CDH23: variants seen among roughly 807,000 people sequenced by gnomAD.
CDH23 encodes cadherin related 23.
Under a neutral mutation model 317.1 loss-of-function variants are expected in CDH23, and 189 were observed. The observed-to-expected ratio is 0.60, with a 90% CI of 0.53 to 0.67. The LOEUF (loss-of-function observed/expected upper bound fraction) is 0.67, where lower values mean the gene tolerates loss of function less well. CDH23 is among the 30% of genes least tolerant of loss of function. The pLI, the probability that CDH23 is intolerant of heterozygous loss-of-function variation, is 0.00. For missense variants in CDH23, 4,401 were observed against 4,592.4 expected (o/e 0.96, Z 1.20); for synonymous variants, 1,839 against 1,876.8 (o/e 0.98, Z 0.52).
chr10:71,439,500 G>A (rs1319612589), intron 1 of CDH23, among the ~76,000 whole-genome samples: 2 of 152,110 alleles, frequency 1.3e-5, no homozygotes, highest in African/African-American at 4.8e-5. Context: ...TCCATCTACT[G>A]GGCCTAGAAT....
intron 27 of CDH23, among the ~76,000 whole-genome samples, chr10:71,711,144 C>T (rs1286022252): frequency 1.3e-5 from 2 of 152,146 alleles, no homozygotes; most frequent in Non-Finnish European, 2.9e-5. Context: ...AATGGCTGCC[C>T]ACCCTCTGGA....
At chr10:71,740,482 C>G (rs1166016679) in intron 36 of CDH23, among the ~76,000 whole-genome samples, 1 of 152,218 alleles carries the variant, frequency 6.6e-6, no homozygotes, top group East Asian at 1.9e-4. Context: ...GTTGCAGGCC[C>G]AGGGTCATGG....
At chr10:71,791,580 T>TA (rs1491340038) in intron 47 of CDH23, among the ~76,000 whole-genome samples, 1 of 140,544 alleles carries the variant, frequency 7.1e-6, no homozygotes, top group Admixed American at 7.0e-5. Flanking sequence ...TTTTCTTTTC[T>TA]TTTTTTTTTT....
Position 71,809,980 on chromosome 10 carries a change from T to G in CDH23, c.8883T>G (p.Ile2961Met). ...ACGACCAGCGCGTCAAGATCGTCAT[T>G]AACGAGATCCCCGACCGTGTGCGCG... ...LRDDQRVKIV[I>M]NEIPDRVRGF... Residue 2961 changes from isoleucine (I) to methionine (M), a missense_variant, in exon 61 of 70, where the codon ATT becomes ATG. Transcript: ENST00000224721. 1.2e-6 allele frequency: 2 copies of G among 1,612,180 alleles called. No homozygotes were observed. Among genetic ancestry groups the G allele is most frequent in the Non-Finnish European group, 1.7e-6 (2 of 1,179,860 alleles).
At chr10:71,438,347 C>CAAAAAAAAAAAAAAAAAAAAAAGAAAAA (rs10596696) in intron 1 of CDH23, among the ~76,000 whole-genome samples, 1 of 98,362 alleles carries the variant, frequency 1.0e-5, no homozygotes. Flanking sequence ...CTGTCTCAAA[C>CAAAAAAAAAAAAAAAAAAAAAAGAAAAA]AAAAAAAAAA....
chr10:71,523,032 C>A (rs933964517), intron 6 of CDH23, among the ~76,000 whole-genome samples: 1 of 152,104 alleles, frequency 6.6e-6, no homozygotes, highest in Non-Finnish European at 1.5e-5. Context: ...TGCATTTAAC[C>A]CTTGGAATAG....
chr10:71,590,322 G>T (rs888714331), intron 9 of CDH23, among the ~76,000 whole-genome samples: 3 of 152,178 alleles, frequency 2.0e-5, no homozygotes, highest in Non-Finnish European at 4.4e-5. Flanking sequence ...GATTCTGTTG[G>T]GCTGTGCCCC....
At chr10:71,625,740 C>T (rs1299742892) in intron 11 of CDH23, among the ~76,000 whole-genome samples, 1 of 152,226 alleles carries the variant, frequency 6.6e-6, no homozygotes, top group East Asian at 1.9e-4. Flanking sequence ...CTCCTGCGGG[C>T]CTCTTCGGCT....
At chr10:71,398,260 A>G (rs965281098) in intron 1 of CDH23, among the ~76,000 whole-genome samples, 20 of 152,200 alleles carry the variant, frequency 1.3e-4, no homozygotes, top group Non-Finnish European at 8.8e-5. Flanking sequence ...TTTCCTCGGT[A>G]GTAATACTCC....
Position 71,740,809 on chromosome 10 carries a change from C to T in CDH23, c.4489-13C>T, listed in dbSNP as rs1839713155. 1 of 1,613,696 alleles carries T rather than the reference C, an allele frequency of 6.2e-7. No homozygotes were observed. The highest frequency in any genetic ancestry group is 8.5e-7 in the Non-Finnish European group (1 of 1,179,826). ...CGCTTTAGCCCTGACTCCAGTTGCC[C>T]TCCTCCTTGCAGGTTGTGGCTTCTG... is the stretch of plus-strand genomic sequence containing the variant. On this transcript the variant is annotated splice_polypyrimidine_tract_variant and intron_variant, in intron 36 of 69. Coordinates refer to ENST00000224721, the MANE Select transcript of CDH23 (RefSeq NM_022124.6).
chr10:71,793,142 G>A (rs1369580154), intron 47 of CDH23, 40 bp from the exon 48 acceptor site: 9 of 1,473,690 alleles, frequency 6.1e-6, no homozygotes, highest in East Asian at 2.4e-5. Context: ...TTCTGGAAGA[G>A]GCCACTGTGC....
At chr10:71,413,777 T>C (rs1358977247) in intron 1 of CDH23, among the ~76,000 whole-genome samples, 5 of 152,150 alleles carry the variant, frequency 3.3e-5, no homozygotes, top group Non-Finnish European at 7.3e-5. Flanking sequence ...AAGTTGATCC[T>C]CTTGCTTCAG....
At chr10:71,466,284 G>A (rs961530110) in intron 3 of CDH23, among the ~76,000 whole-genome samples, 1 of 152,166 alleles carries the variant, frequency 6.6e-6, no homozygotes, top group African/African-American at 2.4e-5. Context: ...ATATGTGAAC[G>A]TGTATACCTG....
At chr10:71,695,654 G>C in intron 22 of CDH23, 129 bp downstream of exon 22, 1 of 660,670 alleles carries the variant, frequency 1.5e-6, no homozygotes, top group Non-Finnish European at 2.7e-6. Context: ...GCTGGCTCTT[G>C]CAATAGAGTT....
Position 71,590,541 on chromosome 10 carries a change from A to G in CDH23, c.832+12549A>G, listed in dbSNP as rs1160597959. On this transcript the variant is annotated intron_variant, in intron 9 of 69. Transcript: ENST00000224721. ...AGGCAGATGCTGAAGGGCACTTCAC[A>G]ACGACGTCCGGCAGACCAAGGATTA... 2.6e-5 allele frequency among the ~76,000 whole-genome samples: 4 copies of G among 152,238 alleles called. No individual in the cohort carries two copies. In the East Asian group the frequency reaches 7.7e-4, roughly 29 times the overall value.
intron 38 of CDH23, among the ~76,000 whole-genome samples, chr10:71,756,693 C>T (rs1840158045): frequency 6.6e-6 from 1 of 152,188 alleles, no homozygotes; most frequent in African/African-American, 2.4e-5. Flanking sequence ...CTCAGAACCA[C>T]AACCAACATA....
chr10:71,638,397 C>G (rs944927046), intron 11 of CDH23, among the ~76,000 whole-genome samples: 2 of 152,218 alleles, frequency 1.3e-5, no homozygotes, highest in African/African-American at 4.8e-5. Context: ...GGCCAAAGAG[C>G]CAGAGAGACA....
intron 3 of CDH23, among the ~76,000 whole-genome samples, chr10:71,464,851 A>G (rs1393549899): frequency 6.6e-6 from 1 of 152,166 alleles, no homozygotes; most frequent in Non-Finnish European, 1.5e-5. Flanking sequence ...TGACACTCCT[A>G]AGTTCAAATC....
intron 2 of CDH23, among the ~76,000 whole-genome samples, chr10:71,441,596 C>T (rs1003373310): frequency 6.6e-6 from 1 of 152,086 alleles, no homozygotes; most frequent in Admixed American, 6.5e-5. Flanking sequence ...GTGGCGCACA[C>T]TTGTAGTCGC....
Sources: gnomAD v4.1 joint callset for allele counts (sites outside exome capture counted in the v4.1 genomes callset) on GRCh38, gnomAD v4.1.1 for gene constraint, MANE v1.5 for transcripts, NCBI Gene and HGNC (gene_info 2026-07-23, HGNC 2026-07-21) for gene names.